NFASC: variants seen among roughly 807,000 people sequenced by gnomAD.
The protein encoded by NFASC is neurofascin, also known as neurofascin homolog.
NFASC carries 43 observed loss-of-function variants against 147.5 expected under a neutral mutation model. The ratio of observed to expected loss-of-function variants is 0.29; its 90% CI spans 0.23 to 0.38. The LOEUF (loss-of-function observed/expected upper bound fraction) is 0.38, where lower values mean the gene tolerates loss of function less well. NFASC is among the 10% of genes least tolerant of loss of function. The pLI, the probability that NFASC is intolerant of heterozygous loss-of-function variation, is 1.00. For synonymous variants in NFASC, 622 were observed against 665.5 expected (o/e 0.93, Z 1.01); for missense variants, 1,320 against 1,689.0 (o/e 0.78, Z 3.83).
At position 205,018,262 on chromosome 1, in the gene NFASC, C is replaced by A. The variant is rs1367456238; in HGVS notation, c.*1723C>A. On this transcript the variant is annotated 3_prime_UTR_variant, in exon 30 of 30. Transcript: ENST00000339876. ...AATGGATCAGCTGCCATGGGCACAG[C>A]CTCCGATTTGAGCCTCTCCGGCTGC... 1.3e-5 allele frequency: 2 copies of A among 152,462 alleles called. No homozygotes were observed. The highest frequency in any genetic ancestry group is 2.9e-5 in the Non-Finnish European group (2 of 68,060). 9.4% of individuals were successfully genotyped at this position (152,462 alleles called of 1,614,324 possible).
intron 1 of NFASC, among the ~76,000 whole-genome samples, chr1:204,869,278 T>TATGCC (rs2077382406): frequency 6.6e-6 from 1 of 152,238 alleles, no homozygotes; most frequent in Non-Finnish European, 1.5e-5. Context: ...GTGGGGAAAT[T>TATGCC]ATGCCCTGCC....
At chr1:204,988,885 T>C (rs1310875673) in intron 23 of NFASC, 79 bp downstream of exon 23, 2 of 1,388,714 alleles carry the variant, frequency 1.4e-6, no homozygotes, top group Non-Finnish European at 2.0e-6. Context: ...GATCTGTAGC[T>C]GGCTGCCTGG....
intron 27 of NFASC, among the ~76,000 whole-genome samples, chr1:205,002,979 C>G (rs540189515): frequency 6.6e-6 from 1 of 152,154 alleles, no homozygotes; most frequent in South Asian, 2.1e-4. Context: ...TGGCCCCGTG[C>G]GGGTCAGAAG....
At chr1:204,943,603 C>T (rs752725035) in intron 2 of NFASC, among the ~76,000 whole-genome samples, 19 of 152,164 alleles carry the variant, frequency 1.2e-4, no homozygotes, top group Non-Finnish European at 2.5e-4. Flanking sequence ...GTCCTTTGTG[C>T]GCCAAGTCTT....
chr1:204,831,206 T>C (rs1672145080), intron 1 of NFASC, among the ~76,000 whole-genome samples: 1 of 151,968 alleles, frequency 6.6e-6, no homozygotes, highest in African/African-American at 2.4e-5. Flanking sequence ...TTTTGTGCAA[T>C]GAATTTCACC....
chr1:204,855,937 G>A (rs1181936713), intron 1 of NFASC, among the ~76,000 whole-genome samples: 1 of 152,112 alleles, frequency 6.6e-6, no homozygotes, highest in Non-Finnish European at 1.5e-5. Context: ...CCATCCTGTT[G>A]GACCTTTTAT....
rs903359354 is a variant in NFASC at position 204,986,287 on chromosome 1, C to T, written c.2471-1131C>T. On this transcript the variant is annotated intron_variant, in intron 21 of 29. Coordinates refer to ENST00000339876, the MANE Select transcript of NFASC (RefSeq NM_001005388.3). This position sits in a 1 kb window ranked among gnomAD's most constrained non-coding sequence, Gnocchi z 4.2. ...ACTACAGCCATTCCCAGACCACCAT[C>T]GCCAAGGTGACCTGCCCTGCGAGGA... Among the ~76,000 whole-genome samples, 10 of 152,226 alleles carry T rather than the reference C, an allele frequency of 6.6e-5. No individual in the cohort carries two copies. In the South Asian group the frequency reaches 8.3e-4, roughly 13 times the overall value.
chr1:204,988,088 T>C (rs1044053016), intron 22 of NFASC, among the ~76,000 whole-genome samples: 1 of 152,246 alleles, frequency 6.6e-6, no homozygotes, highest in African/African-American at 2.4e-5. Flanking sequence ...TGAAACACTT[T>C]AGGCCTTCAA....
intron 1 of NFASC, 73 bp downstream of exon 1, chr1:204,828,855 C>T: frequency 1.0e-6 from 1 of 958,956 alleles, no homozygotes; most frequent in Non-Finnish European, 1.2e-6. Flanking sequence ...CCCCCTTGTT[C>T]CCGCCCTCGT....
rs1472815258 is a variant in NFASC, at chr1:204,986,085, A to T, written c.2471-1333A>T. 1.2e-6 allele frequency: 2 copies of T among 1,614,022 alleles called. No homozygotes were observed. Among genetic ancestry groups the T allele is most frequent in the Non-Finnish European group, 1.7e-6 (2 of 1,179,984 alleles). On this transcript the variant is annotated intron_variant, in intron 21 of 29. Coordinates refer to ENST00000339876, the MANE Select transcript of NFASC (RefSeq NM_001005388.3). This position sits in a 1 kb window ranked among gnomAD's most constrained non-coding sequence, Gnocchi z 4.2. ...GGGAGAGGTGATGGGCCTCGCAGTG[A>T]GACCAAGGAGTTCACCACCCCGGAA... is the stretch of plus-strand genomic sequence containing the variant.
At chr1:204,980,494 G>A in intron 20 of NFASC, 54 bp downstream of exon 20, 1 of 1,367,600 alleles carries the variant, frequency 7.3e-7, no homozygotes, top group Non-Finnish European at 1.0e-6. Flanking sequence ...CATGCACCGG[G>A]AGCCCCTCTC....
intron 27 of NFASC, among the ~76,000 whole-genome samples, chr1:205,006,201 G>A (rs1463211565): frequency 6.6e-6 from 1 of 152,190 alleles, no homozygotes; most frequent in Non-Finnish European, 1.5e-5. Flanking sequence ...CAGTATGCCA[G>A]GTTAACTGTA....
At chr1:204,861,035 T>C (rs1272128214) in intron 1 of NFASC, among the ~76,000 whole-genome samples, 1 of 151,702 alleles carries the variant, frequency 6.6e-6, no homozygotes, top group Non-Finnish European at 1.5e-5. Flanking sequence ...AGTGTTGCTA[T>C]GAACATTTTT....
At chr1:204,933,684 C>T (rs2092568768) in intron 2 of NFASC, among the ~76,000 whole-genome samples, 1 of 150,344 alleles carries the variant, frequency 6.7e-6, no homozygotes, top group Non-Finnish European at 1.5e-5. Context: ...TAGATTCAGC[C>T]AGTGGGAGGT....
chr1:204,960,392 C>T (rs1052266463), intron 8 of NFASC, among the ~76,000 whole-genome samples: 1 of 152,236 alleles, frequency 6.6e-6, no homozygotes, highest in African/African-American at 2.4e-5. Flanking sequence ...TCTGCCTATG[C>T]TGTAACAGGT....
At chr1:204,927,631 C>T (rs1023573491) in intron 2 of NFASC, among the ~76,000 whole-genome samples, 1 of 152,080 alleles carries the variant, frequency 6.6e-6, no homozygotes, top group Non-Finnish European at 1.5e-5. Flanking sequence ...ACCTGGGTCC[C>T]TCCTCCTTAG....
intron 1 of NFASC, 30 bp downstream of exon 1, chr1:204,828,812 G>C: frequency 3.0e-6 from 3 of 985,346 alleles, no homozygotes; most frequent in Non-Finnish European, 3.6e-6. Flanking sequence ...GGAGAGATGG[G>C]GGTAGAGAGT....
chr1:205,002,774 C>A (rs760358019), intron 27 of NFASC, 26 bp downstream of exon 27: 94 of 1,411,062 alleles, frequency 6.7e-5, no homozygotes, highest in Non-Finnish European at 8.2e-5. Context: ...GCCTGGCCAT[C>A]CCCTGCAAGC....
chr1:204,875,073 TTTGTTGTTG>T (rs3046329), intron 1 of NFASC, among the ~76,000 whole-genome samples: 28 of 150,850 alleles, frequency 1.9e-4, no homozygotes, highest in Non-Finnish European at 3.2e-4. Context: ...GTGGGTCTGC[TTTGTTGTTG>T]TTGTTGTTGT....
Sources: allele counts gnomAD v4.1 joint callset (sites outside exome capture counted in the v4.1 genomes callset), GRCh38; gene constraint gnomAD v4.1.1; non-coding constraint Gnocchi (gnomAD v3.1); transcripts MANE v1.5; gene names NCBI Gene and HGNC (gene_info 2026-07-23, HGNC 2026-07-21).